Variants in ZDHHC14 observed in about 807,000 individuals in gnomAD.
ZDHHC14 encodes zDHHC palmitoyltransferase 14.
ZDHHC14 carries 16 observed loss-of-function variants against 47.7 expected under a neutral mutation model. That is an observed-to-expected ratio of 0.34 (90% CI 0.23 to 0.51). The LOEUF is 0.51. ZDHHC14 is among the 20% of genes least tolerant of loss of function. The probability of loss-of-function intolerance (pLI) is 0.97; values close to 1 mark genes in which losing one functional copy is unlikely to be tolerated. For missense variants in ZDHHC14, 515 were observed against 662.5 expected, an observed-to-expected ratio of 0.78 and a Z score of 2.44; for synonymous variants, 293 against 278.9, an observed-to-expected ratio of 1.05 and a Z score of -0.50.
chr6:157,382,058 G>T lies in ZDHHC14; in HGVS notation c.37G>T (p.Glu13Ter). Residue 13 changes from glutamate (E) to a stop codon, truncating the protein, a stop_gained, in exon 1 of 9, where the codon GAG (glutamate) becomes TAG (stop). Transcript: ENST00000359775. LOFTEE classifies it high-confidence loss of function. ...CGGCGGCGGGCCCATGAAAGACTGC[G>T]AGTACAGCCAGATCAGCACCCACAG... is the stretch of plus-strand genomic sequence containing the variant. ...PGGGGPMKDCEYSQISTHSSS... is the reference protein window; with the variant it reads ...PGGGGPMKDC 1 of 1,588,426 alleles carries T rather than the reference G, an allele frequency of 6.3e-7. No homozygotes were observed. Among genetic ancestry groups the T allele is most frequent in the Non-Finnish European group, 8.6e-7 (1 of 1,169,410 alleles).
At chr6:157,590,497 T>C (rs1052886965) in intron 2 of ZDHHC14, among the ~76,000 whole-genome samples, 1 of 152,220 alleles carries the variant, frequency 6.6e-6, no homozygotes, top group Non-Finnish European at 1.5e-5. Context: ...CCTTGGTAGC[T>C]TCCATGTGGT....
Position 157,593,114 on chromosome 6 carries a change from C to T in ZDHHC14, c.533C>T (p.Ala178Val). 6.2e-7 allele frequency: 1 copy of T among 1,613,888 alleles called. No individual in the cohort carries two copies. The highest frequency in any genetic ancestry group is 8.5e-7 in the Non-Finnish European group (1 of 1,179,842). The change falls in exon 3 of 9, where the codon GCC (alanine) becomes GTC (valine). Residue 178 changes from alanine to valine, a missense_variant. This residue lies in a region of ZDHHC14 where 229 missense variants were observed against 351.5 expected (regional missense o/e 0.65). Transcript: ENST00000359775. The stretch of plus-strand genomic sequence containing the variant: ...TGCAAGATTTTCCGGCCCCCTCGCG[C>T]CTCCCATTGCAGCCTTTGTGATAAC... ...FTCKIFRPPR[A>V]SHCSLCDNCV...
At chr6:157,484,265 A>ATC (rs1562443677) in intron 1 of ZDHHC14, among the ~76,000 whole-genome samples, 3 of 141,872 alleles carry the variant, frequency 2.1e-5, no homozygotes, top group Non-Finnish European at 3.0e-5. Flanking sequence ...ATTTATATAT[A>ATC]TATGTATATA....
At chr6:157,473,988 C>CTT (rs34287258) in intron 1 of ZDHHC14, among the ~76,000 whole-genome samples, 4 of 118,602 alleles carry the variant, frequency 3.4e-5, no homozygotes, top group African/African-American at 6.2e-5. Context: ...ATTTTCTTTT[C>CTT]TTTTTTTTTT....
At chr6:157,554,921 G>T (rs142952641) in intron 2 of ZDHHC14, among the ~76,000 whole-genome samples, 29 of 152,344 alleles carry the variant, frequency 1.9e-4, no homozygotes, top group African/African-American at 7.0e-4. Flanking sequence ...CTCTATATAA[G>T]TCCCCACCTG....
chr6:157,536,463 G>C (rs983712397), intron 1 of ZDHHC14, among the ~76,000 whole-genome samples: 20 of 152,122 alleles, frequency 1.3e-4, no homozygotes, highest in African/African-American at 4.6e-4. Flanking sequence ...TTGTTCCAAA[G>C]GGCACTTGGT....
chr6:157,579,190 GTTTTTTTTTTTTT>G (rs1187065924), intron 2 of ZDHHC14, among the ~76,000 whole-genome samples: 2,763 of 64,026 alleles, frequency 0.043, 132 homozygotes, highest in African/African-American at 0.14. Flanking sequence ...TTGATTCTGT[GTTTTTTTTTTTTT>G]TTTTTTTTTT....
At position 157,466,614 on chromosome 6, in the gene ZDHHC14, G is replaced by T. The variant is rs941619735; in HGVS notation, c.246-75971G>T. Among the ~76,000 whole-genome samples the T allele has an allele frequency of 1.6e-4, 24 of 152,312 alleles. No individual in the cohort carries two copies. In the South Asian group the frequency reaches 2.3e-3, roughly 14 times the overall value. The stretch of plus-strand genomic sequence containing the variant: ...GCACTTTGGGTGACCAAGGTGGGCG[G>T]ATCACCTGAGGCCAGGAGTTCGACA... On this transcript the variant is annotated intron_variant, in intron 1 of 8. Transcript: ENST00000359775.
chr6:157,425,264 G>C (rs1228155802), intron 1 of ZDHHC14, among the ~76,000 whole-genome samples: 2 of 152,006 alleles, frequency 1.3e-5, no homozygotes, highest in Non-Finnish European at 2.9e-5. Context: ...CTTGAAACTG[G>C]TTATTGTTCA....
At position 157,677,389 on chromosome 6, in the gene ZDHHC14, A is replaced by G. The variant is rs1205563366; in HGVS notation, c.*4267A>G. The G allele has an allele frequency of 6.6e-6, 1 of 152,062 alleles. No individual in the cohort carries two copies. Among genetic ancestry groups the G allele is most frequent in the East Asian group, 1.9e-4 (1 of 5,196 alleles). 9.4% of individuals were successfully genotyped at this position (152,062 alleles called of 1,614,324 possible). ...TGTCAAAGATGGTAATAGTTTGTAA[A>G]TCAGTAAATCCTCTGTCCATCTGCC... On this transcript the variant is annotated 3_prime_UTR_variant, in exon 9 of 9. Coordinates refer to ENST00000359775, the MANE Select transcript of ZDHHC14 (RefSeq NM_024630.3).
intron 8 of ZDHHC14, among the ~76,000 whole-genome samples, chr6:157,656,936 C>T (rs537033748): frequency 2.6e-5 from 4 of 152,226 alleles, no homozygotes; most frequent in South Asian, 2.1e-4. Flanking sequence ...TAAGGACCTG[C>T]GGCCCTGGTC....
intron 5 of ZDHHC14, among the ~76,000 whole-genome samples, chr6:157,634,229 T>C (rs1228549233): frequency 1.3e-5 from 2 of 152,136 alleles, no homozygotes; most frequent in African/African-American, 4.8e-5. Context: ...CTTTTTAAAC[T>C]CAGATCTGTA....
At chr6:157,537,428 A>G (rs568671106) in intron 1 of ZDHHC14, among the ~76,000 whole-genome samples, 1 of 152,356 alleles carries the variant, frequency 6.6e-6, no homozygotes, top group South Asian at 2.1e-4. Context: ...AAAATCAAAC[A>G]GCTCTTGCTG....
At chr6:157,529,005 G>A (rs1040254063) in intron 1 of ZDHHC14, 2 of 153,894 alleles carry the variant, frequency 1.3e-5, no homozygotes, top group Middle Eastern at 6.5e-4. Context: ...TATTTTTCAG[G>A]TTTCTCCCAA....
chr6:157,498,119 A>G (rs887078320), intron 1 of ZDHHC14, among the ~76,000 whole-genome samples: 3 of 152,162 alleles, frequency 2.0e-5, no homozygotes, highest in Admixed American at 2.0e-4. Flanking sequence ...ATGATGCACT[A>G]TGAATGGAGG....
Position 157,673,035 on chromosome 6 carries a change from C to T in ZDHHC14, c.1380C>T (p.Ser460=). ...LLAAGSPLAH[S]RTMHVLGLAS... Reference sequence around the variant, plus strand: ...CGGCGGGCAGCCCCCTGGCGCACAGCCGCACCATGCACGTGCTGGGCCTGG... The same window carrying T: ...CGGCGGGCAGCCCCCTGGCGCACAGTCGCACCATGCACGTGCTGGGCCTGG... Residue 460 remains serine, a synonymous_variant, in exon 9 of 9, where the codon AGC becomes AGT. Transcript: ENST00000359775. The surrounding 1 kb of genome is among the most constrained non-coding windows in gnomAD (Gnocchi z 5.4). The T allele has an allele frequency of 6.4e-7, 1 of 1,565,144 alleles. No homozygotes were observed. The highest frequency in any genetic ancestry group is 8.6e-7 in the Non-Finnish European group (1 of 1,162,214).
intron 1 of ZDHHC14, among the ~76,000 whole-genome samples, chr6:157,452,258 T>A (rs145580716): frequency 1.3e-5 from 2 of 149,024 alleles, no homozygotes; most frequent in African/African-American, 4.9e-5. Flanking sequence ...TTTTTTTTTT[T>A]TATAACTAGA....
intron 7 of ZDHHC14, among the ~76,000 whole-genome samples, chr6:157,651,229 T>TG (rs1287268473): frequency 6.6e-6 from 1 of 152,242 alleles, no homozygotes; most frequent in Non-Finnish European, 1.5e-5. Flanking sequence ...GCCCCGAGGC[T>TG]GGGGAGAACC....
At chr6:157,573,403 C>T (rs752682541) in intron 2 of ZDHHC14, among the ~76,000 whole-genome samples, 2 of 152,292 alleles carry the variant, frequency 1.3e-5, no homozygotes, top group Non-Finnish European at 2.9e-5. Flanking sequence ...AGGGCAAGCC[C>T]GACAGAATGG....
Sources: gnomAD v4.1 joint callset for allele counts (sites outside exome capture counted in the v4.1 genomes callset) on GRCh38, gnomAD v4.1.1 for gene constraint, gnomAD v4.1.1 regional missense constraint, Gnocchi (gnomAD v3.1) non-coding constraint, MANE v1.5 for transcripts, NCBI Gene and HGNC (gene_info 2026-07-23, HGNC 2026-07-21) for gene names.